LRRC37A3: variants seen among roughly 807,000 people sequenced by gnomAD.
LRRC37A3 encodes leucine-rich repeat-containing protein 37A3.
In LRRC37A3, 25 loss-of-function variants were observed where a neutral mutation model predicts 106.2. That is an observed-to-expected ratio of 0.24 (90% confidence interval 0.17 to 0.33). The LOEUF (loss-of-function observed/expected upper bound fraction) is 0.33. LRRC37A3 is among the 10% of genes least tolerant of loss of function. The pLI, the probability that LRRC37A3 is intolerant of heterozygous loss-of-function variation, is 1.00. For synonymous variants in LRRC37A3, 305 were observed against 635.8 expected (o/e 0.48, Z 7.83); for missense variants, 712 against 1,644.9 (o/e 0.43, Z 9.81).
intron 2 of LRRC37A3, among the ~76,000 whole-genome samples, chr17:64,911,077 T>C (rs1228633289): frequency 3.3e-5 from 5 of 152,268 alleles, no homozygotes; most frequent in Admixed American, 6.5e-5. Context: ...TATCTATATA[T>C]ACGTATATCT....
At chr17:64,919,270 G>GGCGGAGGGAGAAGGGAAA (rs1974777246) in intron 1 of LRRC37A3, among the ~76,000 whole-genome samples, 161 bp downstream of exon 1, 1 of 152,192 alleles carries the variant, frequency 6.6e-6, no homozygotes, top group Admixed American at 6.5e-5. Flanking sequence ...TTGGAACCGA[G>GGCGGAGGGAGAAGGGAAA]GCGGAGGGAG....
At position 64,855,851 on chromosome 17, in the gene LRRC37A3, T is replaced by G; in HGVS notation, c.4848A>C (p.Glu1616Asp). 6.2e-7 allele frequency: 1 copy of G among 1,611,774 alleles called. No individual in the cohort carries two copies. The highest frequency in any genetic ancestry group is 2.3e-4 in the Middle Eastern group (1 of 4,432). ...AGACTAATATTTACCTTGAGAATCCTTCTTCATCTTCTTGTAATGACCTTC... is the reference window on the plus strand; with the variant it reads ...AGACTAATATTTACCTTGAGAATCCGTCTTCATCTTCTTGTAATGACCTTC... ...CHRRSLQEDE[E>D]GFSRDSEAPT... The change falls in exon 14 of 15, where the codon GAA becomes GAC. Residue 1616 changes from glutamate to aspartate, a missense_variant. Physicochemically the swap from Glu to Asp is conservative, Grantham distance 45. Coordinates refer to ENST00000584306, the MANE Select transcript of LRRC37A3 (RefSeq NM_199340.5).
intron 2 of LRRC37A3, among the ~76,000 whole-genome samples, chr17:64,911,189 T>A (rs1036939957): frequency 2.0e-5 from 3 of 149,878 alleles, no homozygotes; most frequent in African/African-American, 7.4e-5. Context: ...ATTTTTAAAT[T>A]TTCCCAGATA....
At chr17:64,875,848 T>C (rs1973493692) in intron 8 of LRRC37A3, among the ~76,000 whole-genome samples, 2 of 151,666 alleles carry the variant, frequency 1.3e-5, no homozygotes, top group South Asian at 2.1e-4. Flanking sequence ...ATAAATCTAG[T>C]TGATGAACAT....
rs1387122700 is a variant in LRRC37A3, at chr17:64,854,192, C to T, written c.*407G>A. Reference sequence around the variant, plus strand: ...AAGGGTGAAAAGCCCCCTACCAAGTCGGGATGAACATTCATGCGTGTGCTT... The same window carrying T: ...AAGGGTGAAAAGCCCCCTACCAAGTTGGGATGAACATTCATGCGTGTGCTT... On this transcript the variant is annotated 3_prime_UTR_variant, in exon 15 of 15. Transcript: ENST00000584306. 4 of 264,766 alleles carry T rather than the reference C, an allele frequency of 1.5e-5. No individual in the cohort carries two copies. The highest frequency in any genetic ancestry group is 2.1e-5 in the Non-Finnish European group (3 of 140,446). The allele number at this position is 264,766 out of a possible 1,614,324, so 16.4% of individuals were successfully genotyped here. A position where few individuals can be genotyped will look rare whatever the true frequency, so the allele number is the denominator to read the frequency against.
At chr17:64,891,093 AATG>A (rs1208792378) in intron 5 of LRRC37A3, among the ~76,000 whole-genome samples, 3 of 121,186 alleles carry the variant, frequency 2.5e-5, no homozygotes, top group Non-Finnish European at 4.8e-5. Flanking sequence ...ACATTGAAAT[AATG>A]ATGTGACACA....
chr17:64,859,550 C>G lies in LRRC37A3; in HGVS notation c.4596G>C (p.Gln1532His), dbSNP rs749270206. Reference protein sequence around the residue: ...GHLMKLLSGQQEVKASKIEWD... With the variant: ...GHLMKLLSGQHEVKASKIEWD... ...ATTCTATCTTGGATGCCTTTACTTC[C>G]TGCTGCCCACTGAGAAGCTTCATCA... The change falls in exon 12 of 15, where the codon CAG becomes CAC. Residue 1532 changes from glutamine to histidine, a missense_variant. Physicochemically the swap from Gln to His is conservative, Grantham distance 24. Transcript: ENST00000584306. The G allele has an allele frequency of 6.2e-7, 1 of 1,612,162 alleles. No homozygotes were observed. Among genetic ancestry groups the G allele is most frequent in the East Asian group, 2.2e-5 (1 of 44,846 alleles).
Position 64,862,885 on chromosome 17 carries a change from G to A in LRRC37A3, c.3172+15C>T. 1 of 1,599,084 alleles carries A rather than the reference G, an allele frequency of 6.3e-7. No individual in the cohort carries two copies. Among genetic ancestry groups the A allele is most frequent in the Non-Finnish European group, 8.5e-7 (1 of 1,179,678 alleles). On this transcript the variant is annotated intron_variant, in intron 11 of 14. Transcript: ENST00000584306. The stretch of plus-strand genomic sequence containing the variant: ...ACTTAATGTAACAATTTATCACCAT[G>A]CAATTTGGACTCACGACAATGTGTG...
chr17:64,901,194 A>T (rs1467759638), intron 2 of LRRC37A3: 1 of 150,686 alleles, frequency 6.6e-6, no homozygotes, highest in East Asian at 1.9e-4. Context: ...ATGAAATATC[A>T]ACTGTGTTTG....
chr17:64,872,131 CAAAAAAAAAAA>C (rs1225535618), intron 8 of LRRC37A3, among the ~76,000 whole-genome samples: 1 of 22,672 alleles, frequency 4.4e-5, no homozygotes, highest in Non-Finnish European at 9.3e-5. Flanking sequence ...GACTCTGTCT[CAAAAAAAAAAA>C]AAAAAAAAAA....
chr17:64,874,350 G>C (rs546498688), intron 8 of LRRC37A3, among the ~76,000 whole-genome samples: 1 of 149,948 alleles, frequency 6.7e-6, no homozygotes, highest in Non-Finnish European at 1.5e-5. Context: ...CGTCTGAGAC[G>C]TGAGGAGCCC....
chr17:64,918,975 T>G, intron 1 of LRRC37A3, 105 bp from the exon 2 acceptor site: 1 of 1,189,070 alleles, frequency 8.4e-7, no homozygotes, highest in East Asian at 3.3e-5. Flanking sequence ...GCCAGGTGGC[T>G]GCCCCCGCCT....
chr17:64,862,172 A>C (rs372216819), intron 11 of LRRC37A3, among the ~76,000 whole-genome samples: 30 of 147,804 alleles, frequency 2.0e-4, no homozygotes, highest in Non-Finnish European at 2.8e-4. Flanking sequence ...ATTATTAATT[A>C]TCCACCCCAT....
chr17:64,915,398 A>C (rs1427041845), intron 2 of LRRC37A3, among the ~76,000 whole-genome samples: 1 of 152,212 alleles, frequency 6.6e-6, no homozygotes, highest in Non-Finnish European at 1.5e-5. Context: ...TAATCAAAAC[A>C]ATATAATTGA....
At position 64,861,813 on chromosome 17, in the gene LRRC37A3, G is replaced by C. The variant is rs564153750; in HGVS notation, c.3173-840C>G. Among the ~76,000 whole-genome samples the C allele has an allele frequency of 3.9e-5, 6 of 152,238 alleles. No homozygotes were observed. The South Asian group carries it at 1.2e-3, about 32-fold the overall frequency. ...CATTTCATCTCTAATATTTTGGATGGGGAATCATCCAAAGCTTCTGACTGC... is the reference window on the plus strand; with the variant it reads ...CATTTCATCTCTAATATTTTGGATGCGGAATCATCCAAAGCTTCTGACTGC... On this transcript the variant is annotated intron_variant, in intron 11 of 14. Transcript: ENST00000584306.
rs780992896 is a variant in LRRC37A3 at position 64,869,216 on chromosome 17, C to T, written c.2907-50G>A. The T allele has an allele frequency of 8.1e-5, 130 of 1,599,116 alleles. No individual in the cohort carries two copies. The East Asian group carries it at 1.6e-3, about 20-fold the overall frequency. On this transcript the variant is annotated intron_variant, in intron 8 of 14. Coordinates refer to ENST00000584306, the MANE Select transcript of LRRC37A3 (RefSeq NM_199340.5). ...TAACCTGCATTTTCAATGTGTAAAA[C>T]TGCATGAAAAGTTTACATTCATTTT...
At chr17:64,858,095 T>C (rs1598388663) in intron 13 of LRRC37A3, among the ~76,000 whole-genome samples, 1 of 152,296 alleles carries the variant, frequency 6.6e-6, no homozygotes, top group East Asian at 1.9e-4. Flanking sequence ...GGTAAGTTGA[T>C]GCAAGCTGAG....
chr17:64,855,804 A>G (rs1217437243), intron 14 of LRRC37A3, 36 bp downstream of exon 14: 2 of 1,610,750 alleles, frequency 1.2e-6, no homozygotes. Context: ...TCCGTCTCAA[A>G]AGAAAAGAAA....
chr17:64,854,349 T>C lies in LRRC37A3; in HGVS notation c.*250A>G. ...TATGTGGTATTATATGACTGGTGCT[T>C]GATGAACCAAGGGAGAGGGCACCAA... On this transcript the variant is annotated 3_prime_UTR_variant, in exon 15 of 15. Coordinates refer to ENST00000584306, the MANE Select transcript of LRRC37A3 (RefSeq NM_199340.5). 1.6e-6 allele frequency: 1 copy of C among 619,824 alleles called. No homozygotes were observed. The highest frequency in any genetic ancestry group is 2.0e-5 in the South Asian group (1 of 49,902). 38.4% of individuals were successfully genotyped at this position (619,824 alleles called of 1,614,324 possible). A position where few individuals can be genotyped will look rare whatever the true frequency, so the allele number is the denominator to read the frequency against.
Sources: gnomAD v4.1 joint callset for allele counts (sites outside exome capture counted in the v4.1 genomes callset) on GRCh38, gnomAD v4.1.1 for gene constraint, MANE v1.5 for transcripts, NCBI Gene and HGNC (gene_info 2026-07-23, HGNC 2026-07-21) for gene names.